The following CIB4 variants were observed in gnomAD, a reference collection of about 807,000 sequenced individuals.
CIB4 encodes the protein calcium and integrin binding family member 4.
A neutral mutation model predicts 25.8 loss-of-function variants in CIB4; 25 were observed. That is an observed-to-expected ratio of 0.97 (90% CI 0.71 to 1.35). The LOEUF (loss-of-function observed/expected upper bound fraction) is 1.35. Ranked by LOEUF, CIB4 falls within the 40% of genes most tolerant of loss-of-function variation. CIB4 has a pLI of 0.00. For missense variants in CIB4, 235 were observed against 228.2 expected (o/e 1.03, Z -0.19); for synonymous variants, 75 against 81.4 (o/e 0.92, Z 0.42).
chr2:26,640,715 G>T lies in CIB4; in HGVS notation c.55-148C>A, dbSNP rs1669619543. On this transcript the variant is annotated intron_variant, in intron 1 of 6. Coordinates refer to ENST00000288861, the MANE Select transcript of CIB4 (RefSeq NM_001029881.3). ...ACCCCAGGTTGAGGTGGATGCCTGA[G>T]GTGGCAGCAGGAGAGGAAATGGTGC... The T allele has an allele frequency of 7.9e-6, 6 of 764,264 alleles. No homozygotes were observed. In the South Asian group the frequency reaches 1.0e-4, roughly 13 times the overall value. 47.3% of individuals were successfully genotyped at this position (764,264 alleles called of 1,614,324 possible).
chr2:26,615,801 G>A (rs1184328385), intron 3 of CIB4, among the ~76,000 whole-genome samples: 1 of 152,244 alleles, frequency 6.6e-6, no homozygotes, highest in Non-Finnish European at 1.5e-5. Flanking sequence ...CTACATCACT[G>A]AGCTTTTTCT....
chr2:26,621,166 C>T (rs1197892078), intron 3 of CIB4, among the ~76,000 whole-genome samples: 2 of 146,114 alleles, frequency 1.4e-5, no homozygotes, highest in Admixed American at 7.0e-5. Context: ...GCGTGCCTCA[C>T]ACACAGGGGA....
intron 3 of CIB4, among the ~76,000 whole-genome samples, chr2:26,598,619 T>C (rs1305442529): frequency 6.6e-6 from 1 of 152,194 alleles, no homozygotes; most frequent in African/African-American, 2.4e-5. Context: ...GATTGGGTCC[T>C]GGGGACCCAG....
At chr2:26,611,439 C>T (rs559023733) in intron 3 of CIB4, among the ~76,000 whole-genome samples, 1 of 152,320 alleles carries the variant, frequency 6.6e-6, no homozygotes, top group South Asian at 2.1e-4. Context: ...AGGGCTCCAT[C>T]TTTTATCACT....
In CIB4 at chr2:26,583,902, C is replaced by T. The variant is rs1173416543; in HGVS notation, c.329-4G>A. The T allele has an allele frequency of 6.3e-6, 10 of 1,586,372 alleles. No individual in the cohort carries two copies. Among genetic ancestry groups the T allele is most frequent in the Non-Finnish European group, 8.7e-6 (10 of 1,155,086 alleles). ...ATGAAGCCATTCTCATTAAAATCTG[C>T]AAAGAAGAGGCCAGGCCTGCATTAG... On this transcript the variant is annotated splice_polypyrimidine_tract_variant and splice_region_variant and intron_variant, in intron 4 of 6. Coordinates refer to ENST00000288861, the MANE Select transcript of CIB4 (RefSeq NM_001029881.3).
intron 3 of CIB4, among the ~76,000 whole-genome samples, chr2:26,608,169 C>T (rs567455138): frequency 2.0e-5 from 3 of 148,776 alleles, no homozygotes; most frequent in South Asian, 2.1e-4. Context: ...ACCCAGGAGA[C>T]GGGAAGGTTG....
chr2:26,603,087 G>A (rs1668823679), intron 3 of CIB4, among the ~76,000 whole-genome samples: 1 of 152,048 alleles, frequency 6.6e-6, no homozygotes, highest in African/African-American at 2.4e-5. Context: ...CACTTCTGTG[G>A]TATTTGCACA....
intron 3 of CIB4, among the ~76,000 whole-genome samples, chr2:26,620,278 C>T (rs529948297): frequency 9.8e-5 from 15 of 152,340 alleles, no homozygotes; most frequent in Middle Eastern, 3.4e-3. Context: ...ACAGACTCTG[C>T]GACTGGAAGT....
intron 4 of CIB4, among the ~76,000 whole-genome samples, chr2:26,593,038 A>G (rs1396728222): frequency 6.6e-6 from 1 of 152,182 alleles, no homozygotes; most frequent in African/African-American, 2.4e-5. Context: ...GTCCTCACCA[A>G]TTAGACATTG....
intron 3 of CIB4, among the ~76,000 whole-genome samples, chr2:26,597,337 T>C (rs866060308): frequency 3.9e-5 from 6 of 152,144 alleles, no homozygotes; most frequent in Admixed American, 2.0e-4. Flanking sequence ...AAGCTTTTAA[T>C]TGGTGAATGG....
intron 6 of CIB4, among the ~76,000 whole-genome samples, chr2:26,582,448 C>G (rs1260620714): frequency 6.6e-6 from 1 of 152,168 alleles, no homozygotes; most frequent in Non-Finnish European, 1.5e-5. Context: ...GCTCCACCAC[C>G]AGCATCTTCA....
intron 4 of CIB4, among the ~76,000 whole-genome samples, chr2:26,584,330 A>G (rs1037986513): frequency 9.9e-5 from 15 of 151,966 alleles, no homozygotes; most frequent in Non-Finnish European, 1.3e-4. Context: ...CACAATTCAG[A>G]AGCCAGGGTG....
intron 4 of CIB4, among the ~76,000 whole-genome samples, chr2:26,586,301 C>A (rs1180693984): frequency 1.3e-5 from 2 of 152,196 alleles, no homozygotes; most frequent in African/African-American, 4.8e-5. Flanking sequence ...CACAATCCTG[C>A]CTCAGGGCCT....
intron 3 of CIB4, among the ~76,000 whole-genome samples, chr2:26,598,135 A>T (rs1430327449): frequency 6.6e-6 from 1 of 151,962 alleles, no homozygotes; most frequent in Non-Finnish European, 1.5e-5. Flanking sequence ...CCCCATCTCA[A>T]CTAAAAATAC....
intron 2 of CIB4, among the ~76,000 whole-genome samples, chr2:26,631,113 A>G (rs1052867225): frequency 1.3e-5 from 2 of 152,086 alleles, no homozygotes; most frequent in Non-Finnish European, 2.9e-5. Flanking sequence ...ACAGTCCCCT[A>G]TTGACATTCC....
At chr2:26,611,453 T>A (rs1161710597) in intron 3 of CIB4, among the ~76,000 whole-genome samples, 1 of 152,218 alleles carries the variant, frequency 6.6e-6, no homozygotes, top group Non-Finnish European at 1.5e-5. Flanking sequence ...TATCACTGAT[T>A]TGGGTTAAGG....
At chr2:26,616,357 C>G (rs1669092594) in intron 3 of CIB4, among the ~76,000 whole-genome samples, 1 of 152,178 alleles carries the variant, frequency 6.6e-6, no homozygotes, top group African/African-American at 2.4e-5. Context: ...ATGCATCTCC[C>G]CAATGTAATG....
At chr2:26,590,107 A>G (rs923041719) in intron 4 of CIB4, among the ~76,000 whole-genome samples, 2 of 151,862 alleles carry the variant, frequency 1.3e-5, no homozygotes, top group Admixed American at 1.3e-4. Context: ...ACATCACTGA[A>G]TGCAACCCTA....
Position 26,605,823 on chromosome 2 carries a change from G to C in CIB4, c.187-10506C>G, listed in dbSNP as rs181235862. ...AACAGCTCAAGCCCAAAGAAGGAAA[G>C]CAACTAGCCAAACGAAGGTCAGGAC... On this transcript the variant is annotated intron_variant, in intron 3 of 6. Coordinates refer to ENST00000288861, the MANE Select transcript of CIB4 (RefSeq NM_001029881.3). 2.2e-3 allele frequency among the ~76,000 whole-genome samples: 330 copies of C among 152,290 alleles called. 2 individuals carry two copies. Among genetic ancestry groups the C allele is most frequent in the African/African-American group, 7.3e-3 (302 of 41,548 alleles).
Sources: gnomAD v4.1 joint callset for allele counts (sites outside exome capture counted in the v4.1 genomes callset) on GRCh38, gnomAD v4.1.1 for gene constraint, MANE v1.5 for transcripts, NCBI Gene and HGNC (gene_info 2026-07-23, HGNC 2026-07-21) for gene names.